DGLUCY: variants seen among roughly 807,000 people sequenced by gnomAD.
DGLUCY encodes the protein D-glutamate cyclase, mitochondrial.
DGLUCY carries 58 observed loss-of-function variants against 58.5 expected under a neutral mutation model. The ratio of observed to expected loss-of-function variants is 0.99; its 90% CI spans 0.80 to 1.23. The LOEUF is 1.23. DGLUCY is among the 50% of genes most tolerant of loss of function. The probability of loss-of-function intolerance (pLI) is 0.00; values close to 1 mark genes in which losing one functional copy is unlikely to be tolerated. For missense variants in DGLUCY, 779 were observed against 784.7 expected, an observed-to-expected ratio of 0.99 and a Z score of 0.09; for synonymous variants, 325 against 314.1, an observed-to-expected ratio of 1.03 and a Z score of -0.37.
Position 91,171,728 on chromosome 14 carries a change from C to A in DGLUCY, c.456+1527C>A, listed in dbSNP as rs142901419. 3.7e-3 allele frequency among the ~76,000 whole-genome samples: 566 copies of A among 152,338 alleles called. 3 individuals carry two copies. The highest frequency in any genetic ancestry group is 0.011 in the African/African-American group (474 of 41,580). ...TCTTTCATAAGCTCTATTGCAGGCACCAGAAACCATTCAGGAGGTGGGGTG... is the reference window on the plus strand; with the variant it reads ...TCTTTCATAAGCTCTATTGCAGGCAACAGAAACCATTCAGGAGGTGGGGTG... On this transcript the variant is annotated intron_variant, in intron 5 of 13. Transcript: ENST00000256324.
chr14:91,069,668 A>G lies in DGLUCY; in HGVS notation c.-82+8964A>G, dbSNP rs1483690705. 3.3e-5 allele frequency among the ~76,000 whole-genome samples: 5 copies of G among 152,070 alleles called. No individual in the cohort carries two copies. The East Asian group carries it at 9.6e-4, about 29-fold the overall frequency. ...TTCTTTTTTTTTAAGAAATGTGCCC[A>G]GGCTGGGTTACAGAACACATGGGCT... On this transcript the variant is annotated intron_variant, in intron 1 of 4. Coordinates refer to the DGLUCY transcript ENST00000521334.
intron 1 of DGLUCY, among the ~76,000 whole-genome samples, chr14:91,068,602 G>A (rs1344212606): frequency 6.6e-6 from 1 of 152,168 alleles, no homozygotes; most frequent in Non-Finnish European, 1.5e-5. Context: ...CCGGGAGGTG[G>A]AGGTTACAGT....
At chr14:91,142,618 T>C (rs1055294194) in intron 1 of DGLUCY, among the ~76,000 whole-genome samples, 1 of 152,070 alleles carries the variant, frequency 6.6e-6, no homozygotes, top group African/African-American at 2.4e-5. Flanking sequence ...TGCCCTTTGC[T>C]GACAAACCCC....
At chr14:91,174,100 A>G (rs1021989346) in intron 6 of DGLUCY, among the ~76,000 whole-genome samples, 16 of 152,072 alleles carry the variant, frequency 1.1e-4, no homozygotes, top group Non-Finnish European at 1.9e-4. Flanking sequence ...CTGATGGTTT[A>G]ATCAATCATG....
At chr14:91,121,778 T>C (rs2045382337) in intron 1 of DGLUCY, among the ~76,000 whole-genome samples, 1 of 152,158 alleles carries the variant, frequency 6.6e-6, no homozygotes, top group East Asian at 1.9e-4. Context: ...CACTGTTCAG[T>C]ATACTGGGGA....
In DGLUCY at chr14:91,167,290, C is replaced by T. The variant is rs756332844; in HGVS notation, c.169C>T (p.Gln57Ter). 5 of 1,612,694 alleles carry T rather than the reference C, an allele frequency of 3.1e-6. No individual in the cohort carries two copies. The Admixed American group carries it at 8.4e-5, about 27-fold the overall frequency. Reference protein sequence around the residue: ...SLAPAFERFCQVNTGPLPLLG... With the variant: ...SLAPAFERFC ...TGCTCCAGCTTTTGAAAGATTCTGC[C>T]AGGTCAACACTGGTCCTCTACCCCT... Residue 57 changes from glutamine (Q) to a stop codon, truncating the protein, a stop_gained, in exon 4 of 14, where the codon CAG becomes TAG. Coordinates refer to ENST00000256324, the MANE Select transcript of DGLUCY (RefSeq NM_001102368.3). LOFTEE classifies it high-confidence loss of function.
chr14:91,135,653 T>A (rs1232026439), intron 1 of DGLUCY, among the ~76,000 whole-genome samples: 7 of 100,282 alleles, frequency 7.0e-5, no homozygotes, highest in Admixed American at 1.3e-4. Flanking sequence ...TCTGCCTCAT[T>A]AAAAAAAAAA....
intron 1 of DGLUCY, among the ~76,000 whole-genome samples, chr14:91,135,653 TAAA>T (rs60532081): frequency 2.0e-5 from 2 of 100,314 alleles, no homozygotes; most frequent in African/African-American, 8.0e-5. Context: ...TCTGCCTCAT[TAAA>T]AAAAAAAAAA....
At chr14:91,108,731 T>C (rs1446639816) in intron 1 of DGLUCY, among the ~76,000 whole-genome samples, 2 of 151,916 alleles carry the variant, frequency 1.3e-5, no homozygotes, top group African/African-American at 4.8e-5. Flanking sequence ...AGAGATGAGG[T>C]TTCACCATGT....
intron 1 of DGLUCY, among the ~76,000 whole-genome samples, chr14:91,084,553 C>A (rs1337001953): frequency 6.6e-6 from 1 of 152,058 alleles, no homozygotes; most frequent in Non-Finnish European, 1.5e-5. Flanking sequence ...CACCCCCTAG[C>A]ACTAACGTTC....
chr14:91,122,620 T>TTTTTGTGTTGGGGTG, intron 1 of DGLUCY, among the ~76,000 whole-genome samples: 1 of 147,136 alleles, frequency 6.8e-6, no homozygotes, highest in Non-Finnish European at 1.5e-5. Context: ...TTTTTTTTTT[T>TTTTTGTGTTGGGGTG]GAGATAGAGT....
intron 1 of DGLUCY, among the ~76,000 whole-genome samples, chr14:91,066,851 C>T (rs1287174194): frequency 3.3e-5 from 5 of 151,300 alleles, no homozygotes; most frequent in African/African-American, 7.3e-5. Context: ...GAGGCCGAGG[C>T]GGGTGGATCA....
chr14:91,195,014 T>C (rs1250976712), intron 9 of DGLUCY, among the ~76,000 whole-genome samples: 1 of 152,034 alleles, frequency 6.6e-6, no homozygotes, highest in East Asian at 1.9e-4. Context: ...AAGCATGCAG[T>C]TTTAACATGG....
chr14:91,076,524 G>C (rs1380655601), intron 1 of DGLUCY, among the ~76,000 whole-genome samples: 1 of 152,140 alleles, frequency 6.6e-6, no homozygotes, highest in Non-Finnish European at 1.5e-5. Context: ...GCCATAGATA[G>C]GAAGGGCCAC....
At chr14:91,203,665 G>T (rs1223840462) in intron 11 of DGLUCY, among the ~76,000 whole-genome samples, 2 of 108,288 alleles carry the variant, frequency 1.8e-5, no homozygotes, top group Non-Finnish European at 1.8e-5. Flanking sequence ...GGCTTGATAG[G>T]TTTTTTTGTG....
intron 1 of DGLUCY, among the ~76,000 whole-genome samples, chr14:91,153,426 G>A (rs748391412): frequency 1.1e-4 from 17 of 152,206 alleles, no homozygotes; most frequent in African/African-American, 1.7e-4. Context: ...CAAGTGATCC[G>A]CCCACCTCGG....
intron 11 of DGLUCY, among the ~76,000 whole-genome samples, chr14:91,201,977 C>T (rs1375626298): frequency 3.3e-5 from 5 of 151,608 alleles, no homozygotes; most frequent in Admixed American, 2.6e-4. Flanking sequence ...ATTGCTTGAA[C>T]CCAGGAGGTG....
chr14:91,198,581 A>G (rs991024131), intron 10 of DGLUCY, among the ~76,000 whole-genome samples: 3 of 152,124 alleles, frequency 2.0e-5, no homozygotes, highest in African/African-American at 7.2e-5. Context: ...TCCTGGGCTC[A>G]AGTGATCTGC....
chr14:91,124,656 A>G (rs1350896445), intron 1 of DGLUCY, among the ~76,000 whole-genome samples: 1 of 152,240 alleles, frequency 6.6e-6, no homozygotes, highest in East Asian at 1.9e-4. Flanking sequence ...CCTGTTTCAT[A>G]GAAGCCTTTG....
Sources: allele counts gnomAD v4.1 joint callset (sites outside exome capture counted in the v4.1 genomes callset), GRCh38; gene constraint gnomAD v4.1.1; transcripts MANE v1.5; gene names NCBI Gene and HGNC (gene_info 2026-07-23, HGNC 2026-07-21).